Variants in MPP3 observed in about 807,000 individuals in gnomAD.
MPP3 encodes MAGUK p55 subfamily member 3.
A neutral mutation model predicts 80.7 loss-of-function variants in MPP3; 48 were observed. That is an observed-to-expected ratio of 0.59 (90% confidence interval 0.47 to 0.76). The LOEUF is 0.76. Among genes scored for constraint, MPP3 ranks in the 30% least tolerant of loss-of-function variants. The pLI, the probability that MPP3 is intolerant of heterozygous loss-of-function variation, is 0.00. For missense variants in MPP3, 620 were observed against 763.0 expected (o/e 0.81, Z 2.21); for synonymous variants, 311 against 297.6 (o/e 1.04, Z -0.46).
chr17:43,817,833 A>C, intron 12 of MPP3: 1 of 388,092 alleles, frequency 2.6e-6, no homozygotes, highest in Non-Finnish European at 4.7e-6. Flanking sequence ...ACCCCCCAGC[A>C]TCATCTATGG....
chr17:43,815,591 G>A (rs752577713), intron 14 of MPP3: 78 of 312,448 alleles, frequency 2.5e-4, no homozygotes, highest in Non-Finnish European at 3.6e-4. Context: ...GAGAGACAGG[G>A]CAAAACCCTG....
At chr17:43,823,318 C>T (rs1408716970) in intron 10 of MPP3, among the ~76,000 whole-genome samples, 1 of 152,142 alleles carries the variant, frequency 6.6e-6, no homozygotes, top group Non-Finnish European at 1.5e-5. Flanking sequence ...GTGCTCCTCT[C>T]CAGAGTGCCA....
At chr17:43,818,920 T>G (rs1221886840) in intron 11 of MPP3, 1 of 134,174 alleles carries the variant, frequency 7.5e-6, no homozygotes. Flanking sequence ...TGGGCAAGAG[T>G]GAAACCATGT....
At chr17:43,809,219 G>C in intron 18 of MPP3, 141 bp from the exon 19 acceptor site, 1 of 853,890 alleles carries the variant, frequency 1.2e-6, no homozygotes, top group Non-Finnish European at 1.7e-6. Context: ...CATGACAATG[G>C]ACTTCAACTG....
chr17:43,822,062 G>A (rs2045487521), intron 10 of MPP3, among the ~76,000 whole-genome samples: 2 of 152,192 alleles, frequency 1.3e-5, no homozygotes, highest in African/African-American at 4.8e-5. Context: ...TGTCCTTTAG[G>A]AAAACCAAGT....
At chr17:43,831,856 A>C in intron 3 of MPP3, 26 bp downstream of exon 3, 1 of 1,592,218 alleles carries the variant, frequency 6.3e-7, no homozygotes, top group South Asian at 1.1e-5. Flanking sequence ...GGACTGTGGC[A>C]GGTCCAGCCG....
In MPP3 at chr17:43,827,888, C is replaced by T. The variant is rs1380918007; in HGVS notation, c.442-56G>A. 4 of 1,554,040 alleles carry T rather than the reference C, an allele frequency of 2.6e-6. No homozygotes were observed. In the Admixed American group the frequency reaches 5.0e-5, roughly 19 times the overall value. On this transcript the variant is annotated intron_variant, in intron 7 of 19. Coordinates refer to ENST00000398389, the MANE Select transcript of MPP3 (RefSeq NM_001932.6). ...AAGCAGCAGCTCCAAACCTCAGACC[C>T]CTACTCTCTGGACCCAACACAGCCT...
chr17:43,808,971 G>A lies in MPP3; in HGVS notation c.1566C>T (p.Asp522=), dbSNP rs946983304. 1.2e-6 allele frequency: 2 copies of A among 1,605,718 alleles called. No homozygotes were observed. Among genetic ancestry groups the A allele is most frequent in the African/African-American group, 1.4e-5 (1 of 74,030 alleles). Reference sequence around the variant, plus strand: ...TTAAACTTACAAATGGGGCTGCTGTGTCCTCACAAGCTGGGGACATAGGTG... The same window carrying A: ...TTAAACTTACAAATGGGGCTGCTGTATCCTCACAAGCTGGGGACATAGGTG... ...KTPPMSPACE[D]TAAPFDEQQQ... The change falls in exon 19 of 20, where the codon GAC becomes GAT. Residue 522 remains aspartate, a synonymous_variant. Transcript: ENST00000398389.
At chr17:43,831,366 C>A (rs2045951736) in intron 4 of MPP3, 45 bp from the exon 5 acceptor site, 1 of 1,584,706 alleles carries the variant, frequency 6.3e-7, no homozygotes, top group South Asian at 1.1e-5. Context: ...CACCACACAT[C>A]CCACCCACGG....
intron 7 of MPP3, among the ~76,000 whole-genome samples, 161 bp from the exon 8 acceptor site, chr17:43,827,993 C>T (rs2045796041): frequency 6.6e-6 from 1 of 152,220 alleles, no homozygotes; most frequent in African/African-American, 2.4e-5. Flanking sequence ...ACCAACATCC[C>T]CCATTAATAT....
At chr17:43,831,347 C>T (rs762286487) in intron 4 of MPP3, 26 bp from the exon 5 acceptor site, 9 of 1,605,182 alleles carry the variant, frequency 5.6e-6, no homozygotes, top group Non-Finnish European at 8.5e-7. Context: ...ATTTCAGATG[C>T]ACCCTGGACA....
chr17:43,816,439 G>A (rs773000933), intron 13 of MPP3, among the ~76,000 whole-genome samples: 2 of 152,216 alleles, frequency 1.3e-5, no homozygotes, highest in South Asian at 4.1e-4. Context: ...GTCCTGGAAA[G>A]GCTGGGCCGC....
rs766832873 is a variant in MPP3 at position 43,808,938 on chromosome 17, A to C, written c.1581+18T>G. On this transcript the variant is annotated intron_variant, in intron 19 of 19. Transcript: ENST00000398389. ...TCCCTTAGGCCTTCAGAAAAGAAACAATCAACTTTAAACTTACAAATGGGG... is the reference window on the plus strand; with the variant it reads ...TCCCTTAGGCCTTCAGAAAAGAAACCATCAACTTTAAACTTACAAATGGGG... The C allele has an allele frequency of 6.3e-7, 1 of 1,584,418 alleles. No homozygotes were observed. Among genetic ancestry groups the C allele is most frequent in the African/African-American group, 1.4e-5 (1 of 72,810 alleles).
Position 43,831,226 on chromosome 17 carries a change from G to T in MPP3, c.222+18C>A, listed in dbSNP as rs764609730. On this transcript the variant is annotated intron_variant, in intron 5 of 19. Coordinates refer to ENST00000398389, the MANE Select transcript of MPP3 (RefSeq NM_001932.6). ...TGGGGAGTGGGGCAGACACTGTAAG[G>T]AGAAACCTGGGGCTTACGTCCTCAG... 20 of 1,613,484 alleles carry T rather than the reference G, an allele frequency of 1.2e-5. No homozygotes were observed. The Admixed American group carries it at 3.2e-4, about 26-fold the overall frequency.
chr17:43,824,070 A>G, intron 9 of MPP3, 65 bp from the exon 10 acceptor site: 1 of 1,178,276 alleles, frequency 8.5e-7, no homozygotes, highest in Non-Finnish European at 1.2e-6. Context: ...TTCAACTCCT[A>G]CTTCTCAGGC....
At chr17:43,827,974 C>G (rs1264440901) in intron 7 of MPP3, 142 bp from the exon 8 acceptor site, 1 of 716,776 alleles carries the variant, frequency 1.4e-6, no homozygotes, top group Non-Finnish European at 2.4e-6. Flanking sequence ...ATGCTGAAGA[C>G]AAAACAAAAC....
intron 14 of MPP3, chr17:43,815,761 T>C (rs1241855793): frequency 3.1e-6 from 2 of 653,584 alleles, no homozygotes; most frequent in East Asian, 3.0e-5. Context: ...ATTGCAATGA[T>C]GGTGATAATA....
At chr17:43,826,164 A>G (rs1362845969) in intron 8 of MPP3, among the ~76,000 whole-genome samples, 1 of 152,240 alleles carries the variant, frequency 6.6e-6, no homozygotes, top group Non-Finnish European at 1.5e-5. Context: ...TGATGTAGAA[A>G]GCCTGTGTTC....
intron 10 of MPP3, among the ~76,000 whole-genome samples, chr17:43,822,450 C>A (rs1349672344): frequency 6.6e-6 from 1 of 151,978 alleles, no homozygotes; most frequent in Non-Finnish European, 1.5e-5. Context: ...TTATGCTCTC[C>A]TTTTTGCCTT....
Sources: gnomAD v4.1 joint callset for allele counts (sites outside exome capture counted in the v4.1 genomes callset) on GRCh38, gnomAD v4.1.1 for gene constraint, MANE v1.5 for transcripts, NCBI Gene and HGNC (gene_info 2026-07-23, HGNC 2026-07-21) for gene names.